CALR: variants seen among roughly 807,000 people sequenced by gnomAD.
The protein encoded by CALR is CRP55.
Under a neutral mutation model 51.1 loss-of-function variants are expected in CALR, and 15 were observed. The ratio of observed to expected loss-of-function variants is 0.29; its 90% CI spans 0.20 to 0.45. The LOEUF is 0.45. CALR is among the 20% of genes least tolerant of loss of function. CALR has a pLI of 1.00. For synonymous variants in CALR, 239 were observed against 205.9 expected (o/e 1.16, Z -1.38); for missense variants, 477 against 530.6 (o/e 0.90, Z 0.99).
At position 12,939,356 on chromosome 19, in the gene CALR, T is replaced by G. The variant is rs10410152; in HGVS notation, c.194-72T>G. 184 of 1,516,424 alleles carry G rather than the reference T, an allele frequency of 1.2e-4. 1 individual carries two copies. The African/African-American group carries it at 2.4e-3, about 20-fold the overall frequency. The allele number at this position is 1,516,424 out of a possible 1,614,324, so 93.9% of individuals were successfully genotyped here. A position where few individuals can be genotyped will look rare whatever the true frequency, so the allele number is the denominator to read the frequency against. On this transcript the variant is annotated intron_variant, in intron 2 of 8. Coordinates refer to ENST00000316448, the MANE Select transcript of CALR (RefSeq NM_004343.4). The stretch of plus-strand genomic sequence containing the variant: ...GACAGGTGGAGGAAGTGGGGGAGTC[T>G]TCTCTATTCTCTAAGTCGAGGGTCC...
rs1200997295 is a variant in CALR, at chr19:12,943,567, C to T, written c.991C>T (p.Leu331Phe). The T allele has an allele frequency of 1.9e-6, 3 of 1,614,056 alleles. No homozygotes were observed. In the African/African-American group the frequency reaches 4.0e-5, roughly 22 times the overall value. ...VKSGTIFDNFLITNDEAYAEE... is the reference protein window; with the variant it reads ...VKSGTIFDNFFITNDEAYAEE... ...GTCTGGCACCATCTTTGACAACTTC[C>T]TCATCACCAACGATGAGGCATACGC... The change falls in exon 8 of 9, where the codon CTC (leucine) becomes TTC (phenylalanine). Residue 331 changes from leucine to phenylalanine, a missense_variant. Physicochemically the swap from Leu to Phe is conservative, Grantham distance 22. Transcript: ENST00000316448.
At chr19:12,943,657 G>A (rs201012597) in intron 8 of CALR, 28 bp downstream of exon 8, 30 of 1,614,084 alleles carry the variant, frequency 1.9e-5, no homozygotes, top group East Asian at 4.5e-5. Flanking sequence ...TCCTGATGTC[G>A]GGGGCGGGCA....
In CALR at chr19:12,939,438, A is replaced by G; in HGVS notation, c.204A>G (p.Thr68=). The G allele has an allele frequency of 6.2e-7, 1 of 1,612,384 alleles. No individual in the cohort carries two copies. Among genetic ancestry groups the G allele is most frequent in the Non-Finnish European group, 8.5e-7 (1 of 1,180,024 alleles). ...GDEEKDKGLQ[T]SQDARFYALS... is the part of the protein sequence containing the mutation. ...ACCGTCCCGTCTCAGGTTTGCAGAC[A>G]AGCCAGGATGCACGCTTTTATGCTC... Residue 68 remains threonine (T), a synonymous_variant, in exon 3 of 9, where the codon ACA becomes ACG. Coordinates refer to ENST00000316448, the MANE Select transcript of CALR (RefSeq NM_004343.4).
intron 7 of CALR, chr19:12,943,331 A>G (rs997522764): frequency 6.4e-5 from 39 of 610,732 alleles, no homozygotes; most frequent in Middle Eastern, 4.3e-4. Flanking sequence ...TGATCCGCCC[A>G]CCTTGGCCTC....
rs1971582796 is a variant in CALR, at chr19:12,943,811, CAA to C, written c.1153_1154del (p.Lys385GlyfsTer3). 2.5e-6 allele frequency: 4 copies of C among 1,584,036 alleles called. No homozygotes were observed. Among genetic ancestry groups the C allele is most frequent in the African/African-American group, 1.3e-5 (1 of 74,222 alleles). ...KRKEEEEAED[K>X]EDDEDKDEDE... The stretch of plus-strand genomic sequence containing the variant: ...GCAAAGAGGAGGAGGAGGCAGAGGA[CAA>C]GGAGGATGATGAGGACAAAGATGAG... On this transcript the variant is annotated frameshift_variant, in exon 9 of 9. Transcript: ENST00000316448. LOFTEE classifies it high-confidence loss of function.
At position 12,938,780 on chromosome 19, in the gene CALR, G is replaced by A. The variant is rs755559062; in HGVS notation, c.91+10G>A. 1.3e-6 allele frequency: 2 copies of A among 1,598,002 alleles called. No homozygotes were observed. Among genetic ancestry groups the A allele is most frequent in the South Asian group, 1.1e-5 (1 of 89,778 alleles). ...CAGTTTCTGGACGGAGGTAACGCCT[G>A]GTCCCGCCTCGAGGCCGCCCCGACG... On this transcript the variant is annotated intron_variant, in intron 1 of 8. Coordinates refer to ENST00000316448, the MANE Select transcript of CALR (RefSeq NM_004343.4).
intron 1 of CALR, 100 bp downstream of exon 1, chr19:12,938,870 C>T (rs761916531): frequency 4.1e-6 from 4 of 965,816 alleles, no homozygotes; most frequent in Non-Finnish European, 6.5e-6. Context: ...AGGTCCAACA[C>T]GGTGGCCTCC....
At chr19:12,940,703 C>G in intron 6 of CALR, 41 bp from the exon 7 acceptor site, 1 of 1,614,068 alleles carries the variant, frequency 6.2e-7, no homozygotes, top group Non-Finnish European at 8.5e-7. Context: ...GGGGAGTGCA[C>G]CAACCTTACT....
chr19:12,938,982 G>A (rs1414650602), intron 1 of CALR, 152 bp from the exon 2 acceptor site: 10 of 712,134 alleles, frequency 1.4e-5, no homozygotes. Flanking sequence ...GAGGATCTCT[G>A]AAGGCACCCG....
At position 12,940,690 on chromosome 19, in the gene CALR, A is replaced by G. The variant is rs756041024; in HGVS notation, c.816+36A>G. The G allele has an allele frequency of 1.2e-5, 20 of 1,614,010 alleles. No individual in the cohort carries two copies. The South Asian group carries it at 1.6e-4, about 13-fold the overall frequency. ...GGCTCTGAGCAGGGCTGGGGCTCAC[A>G]GTGGGGAGTGCACCAACCTTACTCA... On this transcript the variant is annotated intron_variant, in intron 6 of 8. Transcript: ENST00000316448.
rs536586990 is a variant in CALR at position 12,939,611 on chromosome 19, C to T, written c.377C>T (p.Ser126Leu). Residue 126 changes from serine (S) to leucine (L), a missense_variant, in exon 3 of 9, where the codon TCA (serine) becomes TTA (leucine). Transcript: ENST00000316448. ...GACCAGACAGACATGCACGGAGACT[C>T]AGAATACAACATCATGTTTGGTGAG... ...SLDQTDMHGD[S>L]EYNIMFGPDI... 6.2e-7 allele frequency: 1 copy of T among 1,613,954 alleles called. No individual in the cohort carries two copies. Among genetic ancestry groups the T allele is most frequent in the Middle Eastern group, 1.7e-4 (1 of 6,052 alleles).
chr19:12,940,063 C>T lies in CALR; in HGVS notation c.408C>T (p.Ile136=), dbSNP rs1188824464. 1.2e-6 allele frequency: 2 copies of T among 1,613,390 alleles called. No homozygotes were observed. The highest frequency in any genetic ancestry group is 1.6e-4 in the Middle Eastern group (1 of 6,078). The change falls in exon 4 of 9, where the codon ATC becomes ATT. Residue 136 remains isoleucine, a synonymous_variant. Transcript: ENST00000316448. ...SEYNIMFGPD[I]CGPGTKKVHV... is the part of the protein sequence containing the mutation. ...CTGCTTCACACCTAGGTCCCGACAT[C>T]TGTGGCCCTGGCACCAAGAAGGTTC...
Position 12,939,594 on chromosome 19 carries a change from A to G in CALR, c.360A>G (p.Thr120=), listed in dbSNP as rs751122661. The change falls in exon 3 of 9, where the codon ACA becomes ACG. Residue 120 remains threonine (T), a synonymous_variant. Coordinates refer to ENST00000316448, the MANE Select transcript of CALR (RefSeq NM_004343.4). ...VKLFPNSLDQ[T]DMHGDSEYNI... is the part of the protein sequence containing the mutation. Reference sequence around the variant, plus strand: ...TGTTTCCTAATAGTTTGGACCAGACAGACATGCACGGAGACTCAGAATACA... The same window carrying G: ...TGTTTCCTAATAGTTTGGACCAGACGGACATGCACGGAGACTCAGAATACA... 2 of 1,614,162 alleles carry G rather than the reference A, an allele frequency of 1.2e-6. No individual in the cohort carries two copies. The highest frequency in any genetic ancestry group is 1.1e-5 in the South Asian group (1 of 91,086).
At position 12,943,846 on chromosome 19, in the gene CALR, A is replaced by T. The variant is rs1313827767; in HGVS notation, c.1187A>T (p.Glu396Val). The change falls in exon 9 of 9, where the codon GAG becomes GTG. Residue 396 changes from glutamate to valine, a missense_variant. By Grantham distance (121) the Glu-to-Val change is moderately radical. Coordinates refer to ENST00000316448, the MANE Select transcript of CALR (RefSeq NM_004343.4). ...EDDEDKDEDE[E>V]DEEDKEEDEE... ...GATGAGGACAAAGATGAGGATGAGGAGGATGAGGAGGACAAGGAGGAAGAT... is the reference window on the plus strand; with the variant it reads ...GATGAGGACAAAGATGAGGATGAGGTGGATGAGGAGGACAAGGAGGAAGAT... The T allele has an allele frequency of 6.3e-7, 1 of 1,580,090 alleles. No individual in the cohort carries two copies. The highest frequency in any genetic ancestry group is 1.9e-5 in the Admixed American group (1 of 53,910).
chr19:12,944,107 T>TTA lies in CALR; in HGVS notation c.*194_*195insTA. The TTA allele has an allele frequency of 1.6e-6, 1 of 618,040 alleles. No homozygotes were observed. The highest frequency in any genetic ancestry group is 2.6e-6 in the Non-Finnish European group (1 of 385,032). The allele number at this position is 618,040 out of a possible 1,614,324, so 38.3% of individuals were successfully genotyped here. ...CCCCGCCCTTTTTTTTTTTTTTTTT[T>TTA]AAACTGGTATTTTATCTTTGATTCT... On this transcript the variant is annotated 3_prime_UTR_variant, in exon 9 of 9. Coordinates refer to ENST00000316448, the MANE Select transcript of CALR (RefSeq NM_004343.4).
chr19:12,943,673 G>T (rs766951205), intron 8 of CALR, 40 bp from the exon 9 acceptor site: 34 of 1,614,074 alleles, frequency 2.1e-5, no homozygotes, highest in Non-Finnish European at 2.7e-5. Flanking sequence ...GGGCAGGGCT[G>T]GCAGGGGGCA....
rs767448972 is a variant in CALR, at chr19:12,938,664, G to GC, written c.-11dup. On this transcript the variant is annotated 5_prime_UTR_variant, in exon 1 of 9. Coordinates refer to ENST00000316448, the MANE Select transcript of CALR (RefSeq NM_004343.4). ...CGTTTTAAAGGGCCCGCGCGTTGCCGCCCCCTCGGCCCGCCATGCTGCTAT... is the reference window on the plus strand; with the variant it reads ...CGTTTTAAAGGGCCCGCGCGTTGCCGCCCCCCTCGGCCCGCCATGCTGCTAT... 7 of 1,598,356 alleles carry GC rather than the reference G, an allele frequency of 4.4e-6. No homozygotes were observed. Among genetic ancestry groups the GC allele is most frequent in the Non-Finnish European group, 6.0e-6 (7 of 1,171,560 alleles).
intron 7 of CALR, among the ~76,000 whole-genome samples, chr19:12,941,390 G>A (rs1406257228): frequency 2.0e-5 from 3 of 151,890 alleles, no homozygotes; most frequent in African/African-American, 7.3e-5. Flanking sequence ...CCGTCTCCTG[G>A]TTTCAAGCGA....
At chr19:12,941,696 G>A (rs1568449042) in intron 7 of CALR, among the ~76,000 whole-genome samples, 1 of 151,252 alleles carries the variant, frequency 6.6e-6, no homozygotes, top group Non-Finnish European at 1.5e-5. Flanking sequence ...TGTTAGCCAG[G>A]ATGGTCTCCA....
Sources: gnomAD v4.1 joint callset for allele counts (sites outside exome capture counted in the v4.1 genomes callset) on GRCh38, gnomAD v4.1.1 for gene constraint, MANE v1.5 for transcripts, NCBI Gene and HGNC (gene_info 2026-07-23, HGNC 2026-07-21) for gene names.